Variants in CTNNA2 observed in about 807,000 individuals in gnomAD.
The protein encoded by CTNNA2 is catenin alpha-2.
In CTNNA2, 42 loss-of-function variants were observed where a neutral mutation model predicts 101.0. The observed-to-expected ratio is 0.42, with a 90% CI of 0.32 to 0.54. The LOEUF is 0.54. Among genes scored for constraint, CTNNA2 ranks in the 20% least tolerant of loss-of-function variants. CTNNA2 has a pLI of 0.14. For synonymous variants in CTNNA2, 450 were observed against 456.4 expected (o/e 0.99, Z 0.18); for missense variants, 871 against 1,223.1 (o/e 0.71, Z 4.29).
intron 3 of CTNNA2, among the ~76,000 whole-genome samples, chr2:79,340,638 C>T (rs1375885319): frequency 2.6e-5 from 4 of 151,966 alleles, no homozygotes; most frequent in Non-Finnish European, 4.4e-5. Flanking sequence ...TAGAGACCGT[C>T]CTGGCTAACA....
intron 7 of CTNNA2, among the ~76,000 whole-genome samples, chr2:79,928,356 A>T (rs1687169756): frequency 6.6e-6 from 1 of 152,188 alleles, no homozygotes; most frequent in African/African-American, 2.4e-5. Context: ...TATACAAAAC[A>T]CTATTGTAGA....
chr2:80,008,135 G>GA (rs1693507249), intron 7 of CTNNA2, among the ~76,000 whole-genome samples: 2 of 152,206 alleles, frequency 1.3e-5, no homozygotes, highest in South Asian at 4.1e-4. Flanking sequence ...GGAACAGATG[G>GA]AAAATCTGAG....
intron 1 of CTNNA2, among the ~76,000 whole-genome samples, chr2:79,538,949 C>A (rs768896884): frequency 6.6e-6 from 1 of 152,020 alleles, no homozygotes; most frequent in Non-Finnish European, 1.5e-5. Flanking sequence ...AAGACCTGAA[C>A]GAGGGCAGCA....
intron 3 of CTNNA2, among the ~76,000 whole-genome samples, chr2:79,747,727 C>T (rs1408680123): frequency 2.6e-5 from 4 of 152,140 alleles, no homozygotes; most frequent in African/African-American, 4.8e-5. Context: ...ATTGGAGTAA[C>T]AAATTTCTAC....
intron 7 of CTNNA2, among the ~76,000 whole-genome samples, chr2:80,253,544 A>G (rs973576185): frequency 3.3e-5 from 5 of 152,026 alleles, no homozygotes; most frequent in South Asian, 2.1e-4. Flanking sequence ...CTGCATTCCA[A>G]TCTACCTGCT....
At chr2:79,390,271 C>A (rs146202070) in intron 4 of CTNNA2, among the ~76,000 whole-genome samples, 36 of 152,258 alleles carry the variant, frequency 2.4e-4, no homozygotes, top group African/African-American at 7.2e-4. Context: ...TAAACAGAAC[C>A]TGGTGGATAA....
intron 8 of CTNNA2, among the ~76,000 whole-genome samples, chr2:80,396,472 T>C (rs993538980): frequency 6.6e-6 from 1 of 152,198 alleles, no homozygotes; most frequent in African/African-American, 2.4e-5. Flanking sequence ...CAGCCCAGTG[T>C]GGAAACAATA....
chr2:79,925,797 A>G (rs1422817734), intron 7 of CTNNA2, among the ~76,000 whole-genome samples: 1 of 152,042 alleles, frequency 6.6e-6, no homozygotes, highest in Non-Finnish European at 1.5e-5. Context: ...TTTATGTAAA[A>G]TTGTATTTGG....
chr2:79,388,599 A>C (rs568303817), intron 4 of CTNNA2, among the ~76,000 whole-genome samples: 1 of 152,152 alleles, frequency 6.6e-6, no homozygotes, highest in Non-Finnish European at 1.5e-5. Context: ...AATAGTGTCC[A>C]CAGCATACAT....
intron 2 of CTNNA2, among the ~76,000 whole-genome samples, chr2:79,289,642 G>C (rs1276438316): frequency 6.6e-6 from 1 of 152,142 alleles, no homozygotes; most frequent in Non-Finnish European, 1.5e-5. Flanking sequence ...CTACTCAGGA[G>C]GCTGAGGCAG....
chr2:80,062,346 T>C (rs1426976148), intron 7 of CTNNA2, among the ~76,000 whole-genome samples: 8 of 152,354 alleles, frequency 5.3e-5, no homozygotes, highest in Non-Finnish European at 7.3e-5. Context: ...TCTCTTTCTT[T>C]TATTAAGGTA....
chr2:80,503,235 T>C (rs1273471349), intron 9 of CTNNA2, among the ~76,000 whole-genome samples: 1 of 152,188 alleles, frequency 6.6e-6, no homozygotes, highest in Non-Finnish European at 1.5e-5. Context: ...CGTTAGGCTT[T>C]AGAAATCTTT....
intron 3 of CTNNA2, among the ~76,000 whole-genome samples, chr2:79,799,086 C>G (rs1675950246): frequency 6.6e-6 from 1 of 152,086 alleles, no homozygotes; most frequent in African/African-American, 2.4e-5. Flanking sequence ...CCAAGGGATA[C>G]TTTCCTAGGC....
At chr2:79,723,167 C>T (rs962420743) in intron 2 of CTNNA2, among the ~76,000 whole-genome samples, 29 of 109,090 alleles carry the variant, frequency 2.7e-4, no homozygotes, top group African/African-American at 1.5e-3. Flanking sequence ...CCCCTATAGA[C>T]CTGCGTAGTT....
intron 3 of CTNNA2, among the ~76,000 whole-genome samples, chr2:79,366,421 G>T (rs1677752641): frequency 2.0e-5 from 3 of 152,122 alleles, no homozygotes; most frequent in African/African-American, 7.2e-5. Context: ...TGTTTGGTGT[G>T]GGTTGTTTTT....
chr2:79,828,668 A>G (rs1336342218), intron 3 of CTNNA2, among the ~76,000 whole-genome samples: 1 of 152,248 alleles, frequency 6.6e-6, no homozygotes, highest in Non-Finnish European at 1.5e-5. Context: ...AGGAAATGCA[A>G]GAGTCTGCTG....
intron 7 of CTNNA2, among the ~76,000 whole-genome samples, chr2:79,992,116 GATA>G (rs1692224611): frequency 6.6e-6 from 1 of 152,052 alleles, no homozygotes; most frequent in South Asian, 2.1e-4. Context: ...ACTTTCCTAA[GATA>G]ATAATGTAAT....
chr2:79,359,945 T>C (rs1226264686), intron 3 of CTNNA2, among the ~76,000 whole-genome samples: 1 of 152,184 alleles, frequency 6.6e-6, no homozygotes, highest in Non-Finnish European at 1.5e-5. Flanking sequence ...CCATCATCAT[T>C]CTTATGGGTA....
intron 6 of CTNNA2, among the ~76,000 whole-genome samples, chr2:79,906,482 A>T (rs1454695490): frequency 6.6e-6 from 1 of 152,222 alleles, no homozygotes; most frequent in African/African-American, 2.4e-5. Flanking sequence ...TGTACTGCAG[A>T]TACAGATCTG....
Sources: gnomAD v4.1 joint callset for allele counts (sites outside exome capture counted in the v4.1 genomes callset) on GRCh38, gnomAD v4.1.1 for gene constraint, MANE v1.5 for transcripts, NCBI Gene and HGNC (gene_info 2026-07-23, HGNC 2026-07-21) for gene names.